Variants in C12orf42 observed in about 807,000 individuals in gnomAD.
The protein encoded by C12orf42 is uncharacterized protein C12orf42.
C12orf42 carries 25 observed loss-of-function variants against 21.6 expected under a neutral mutation model. The ratio of observed to expected loss-of-function variants is 1.16; its 90% CI spans 0.84 to 1.62. The LOEUF is 1.62. Among genes scored for constraint, C12orf42 ranks in the 40% most tolerant of loss-of-function variants. The pLI, the probability that C12orf42 is intolerant of heterozygous loss-of-function variation, is 0.00. For synonymous variants in C12orf42, 174 were observed against 175.0 expected (o/e 0.99, Z 0.05); for missense variants, 483 against 459.3 (o/e 1.05, Z -0.47).
the C12orf42 span, among the ~76,000 whole-genome samples, chr12:103,542,729 C>T: frequency 6.6e-6 from 1 of 152,230 alleles, no homozygotes; most frequent in Non-Finnish European, 1.5e-5. Context: ...GTTGATGATG[C>T]TCCTGCACAT....
chr12:103,455,742 T>G (rs1195084860), intron 2 of C12orf42, among the ~76,000 whole-genome samples: 1 of 152,198 alleles, frequency 6.6e-6, no homozygotes, highest in African/African-American at 2.4e-5. Flanking sequence ...TTAATTTTTA[T>G]GCTGCCAGGC....
the C12orf42 span, among the ~76,000 whole-genome samples, chr12:103,185,787 C>A: frequency 2.0e-5 from 3 of 152,282 alleles, no homozygotes; most frequent in South Asian, 6.2e-4. Flanking sequence ...CTTGCTGCCC[C>A]CATGTAAGAA....
chr12:103,111,944 A>G, the C12orf42 span, among the ~76,000 whole-genome samples: 1 of 152,290 alleles, frequency 6.6e-6, no homozygotes, highest in East Asian at 1.9e-4. Context: ...TGTCTATTCT[A>G]TTTCTAGCCT....
the C12orf42 span, among the ~76,000 whole-genome samples, chr12:103,528,857 T>C: frequency 6.6e-6 from 1 of 152,204 alleles, no homozygotes. Flanking sequence ...TTCTACCTAA[T>C]CCTCTAATAA....
At chr12:103,491,963 G>GTTTA (rs1955217164) in intron 1 of C12orf42, among the ~76,000 whole-genome samples, 1 of 136,220 alleles carries the variant, frequency 7.3e-6, no homozygotes, top group African/African-American at 2.9e-5. Flanking sequence ...TTTTTTTTTT[G>GTTTA]TTTGTTTGTT....
the C12orf42 span, among the ~76,000 whole-genome samples, chr12:103,176,947 A>G: frequency 6.6e-6 from 1 of 152,110 alleles, no homozygotes; most frequent in Non-Finnish European, 1.5e-5. Context: ...AATAGAAGCT[A>G]TGTTTGAAGC....
downstream of C12orf42, chr12:103,267,554 A>G (rs1424276136): frequency 6.6e-6 from 1 of 152,166 alleles, no homozygotes; most frequent in East Asian, 1.9e-4. Context: ...TATAAATACA[A>G]TTAGAATTAA....
the C12orf42 span, among the ~76,000 whole-genome samples, chr12:103,203,132 G>A: frequency 3.4e-3 from 514 of 152,226 alleles, 1 homozygote; most frequent in African/African-American, 0.012. Context: ...CAGGGATATG[G>A]AGACCCACCT....
At chr12:103,426,661 C>T (rs1318753544) in intron 2 of C12orf42, among the ~76,000 whole-genome samples, 1 of 152,084 alleles carries the variant, frequency 6.6e-6, no homozygotes, top group Non-Finnish European at 1.5e-5. Context: ...ACATAATTGT[C>T]GGATTCACCA....
chr12:103,218,492 G>A, the C12orf42 span, among the ~76,000 whole-genome samples: 4 of 152,206 alleles, frequency 2.6e-5, no homozygotes, highest in South Asian at 8.3e-4. Context: ...GATTTGAATT[G>A]GTGCCACTAA....
intron 3 of C12orf42, among the ~76,000 whole-genome samples, chr12:103,390,526 A>G (rs905503289): frequency 1.3e-5 from 2 of 152,224 alleles, no homozygotes; most frequent in Admixed American, 1.3e-4. Context: ...GGCAATTCAA[A>G]TACTACATGT....
At chr12:103,446,686 A>T (rs563266709) in intron 2 of C12orf42, among the ~76,000 whole-genome samples, 2 of 152,144 alleles carry the variant, frequency 1.3e-5, no homozygotes, top group Non-Finnish European at 1.5e-5. Context: ...GCAAATGGAC[A>T]CCAAAAGTGA....
At chr12:103,422,962 C>T (rs1199012450) in intron 2 of C12orf42, among the ~76,000 whole-genome samples, 3 of 152,170 alleles carry the variant, frequency 2.0e-5, no homozygotes, top group Admixed American at 6.5e-5. Flanking sequence ...TTACTGTTGC[C>T]AGGGGACACT....
the C12orf42 span, among the ~76,000 whole-genome samples, chr12:103,097,561 C>T: frequency 6.6e-6 from 1 of 152,084 alleles, no homozygotes; most frequent in Non-Finnish European, 1.5e-5. Context: ...TAGAAAAATG[C>T]CTGCTGCTTT....
At chr12:103,457,022 C>T (rs2137587132) in intron 2 of C12orf42, among the ~76,000 whole-genome samples, 1 of 152,172 alleles carries the variant, frequency 6.6e-6, no homozygotes, top group Admixed American at 6.6e-5. Flanking sequence ...GCTTAAATAA[C>T]CCATGCATAA....
downstream of C12orf42, among the ~76,000 whole-genome samples, chr12:103,266,309 AT>A (rs2035167814): frequency 6.6e-6 from 1 of 152,184 alleles, no homozygotes; most frequent in Admixed American, 6.6e-5. Context: ...TTGTATTTAT[AT>A]CTGTATCTTT....
At chr12:103,541,164 A>T in the C12orf42 span, among the ~76,000 whole-genome samples, 1 of 152,180 alleles carries the variant, frequency 6.6e-6, no homozygotes, top group East Asian at 1.9e-4. Context: ...TCGGCCTCCC[A>T]AAGTGCTAGG....
intron 2 of C12orf42, among the ~76,000 whole-genome samples, chr12:103,462,551 C>G (rs1028320138): frequency 6.6e-6 from 1 of 152,084 alleles, no homozygotes; most frequent in Non-Finnish European, 1.5e-5. Context: ...GAGAATGTCC[C>G]CTAAAAGCCA....
intron 10 of C12orf42, among the ~76,000 whole-genome samples, chr12:103,254,347 A>G (rs976172491): frequency 2.6e-5 from 4 of 152,128 alleles, no homozygotes; most frequent in East Asian, 1.9e-4. Flanking sequence ...TTGAAAATCA[A>G]TGTTCATCAG....
Sources: gnomAD v4.1 joint callset for allele counts (sites outside exome capture counted in the v4.1 genomes callset) on GRCh38, gnomAD v4.1.1 for gene constraint, MANE v1.5 for transcripts, NCBI Gene and HGNC (gene_info 2026-07-23, HGNC 2026-07-21) for gene names.